BRINP3: variants seen among roughly 807,000 people sequenced by gnomAD.
BRINP3 encodes BMP/retinoic acid-inducible neural-specific protein 3.
Under a neutral mutation model 71.0 loss-of-function variants are expected in BRINP3, and 19 were observed. The observed-to-expected ratio is 0.27, with a 90% confidence interval of 0.19 to 0.39. The LOEUF (loss-of-function observed/expected upper bound fraction) is 0.39, where lower values mean the gene tolerates loss of function less well. Ranked by LOEUF, BRINP3 falls within the 10% of genes least tolerant of loss-of-function variation. The pLI, the probability that BRINP3 is intolerant of heterozygous loss-of-function variation, is 1.00. For missense variants in BRINP3, 959 were observed against 940.8 expected (o/e 1.02, Z -0.25); for synonymous variants, 380 against 337.7 (o/e 1.13, Z -1.37).
chr1:190,291,134 G>A lies in BRINP3; in HGVS notation c.237-9384C>T, dbSNP rs114863166. ...GTCCTGACTAGCTACCCAGGAAACA[G>A]AGAATGTAAACCTCTACATGGTAGA... On this transcript the variant is annotated intron_variant, in intron 2 of 7. Transcript: ENST00000367462. Among the ~76,000 whole-genome samples, 483 of 152,220 alleles carry A rather than the reference G, an allele frequency of 3.2e-3. 1 individual carries two copies. Among genetic ancestry groups the A allele is most frequent in the African/African-American group, 0.011 (464 of 41,544 alleles).
chr1:190,150,727 T>C (rs763037671), intron 7 of BRINP3, among the ~76,000 whole-genome samples: 4 of 152,192 alleles, frequency 2.6e-5, no homozygotes, highest in Non-Finnish European at 4.4e-5. Context: ...TTCTCATACT[T>C]TGAGAAAACA....
intron 2 of BRINP3, among the ~76,000 whole-genome samples, chr1:190,387,359 A>T (rs139991717): frequency 7.5e-4 from 114 of 152,130 alleles, no homozygotes; most frequent in African/African-American, 2.6e-3. Context: ...AACTAATATG[A>T]CAAGCTAGCA....
intron 7 of BRINP3, among the ~76,000 whole-genome samples, chr1:190,145,976 T>C (rs1010714567): frequency 6.6e-6 from 1 of 152,138 alleles, no homozygotes; most frequent in African/African-American, 2.4e-5. Context: ...TATCATATGT[T>C]CTCATTTATA....
chr1:190,141,507 CCT>C (rs1486191872), intron 7 of BRINP3, among the ~76,000 whole-genome samples: 1 of 150,312 alleles, frequency 6.7e-6, no homozygotes, highest in Non-Finnish European at 1.5e-5. Context: ...ATATTTTAAT[CCT>C]CTTTCTTTCT....
chr1:190,461,499 T>C (rs768535919), intron 1 of BRINP3, among the ~76,000 whole-genome samples: 7 of 152,202 alleles, frequency 4.6e-5, no homozygotes, highest in Admixed American at 3.3e-4. Flanking sequence ...GTTTGCCCTA[T>C]TTCCCTGCAC....
intron 3 of BRINP3, among the ~76,000 whole-genome samples, chr1:190,274,518 T>TAC (rs1387092979): frequency 4.0e-5 from 6 of 151,724 alleles, no homozygotes; most frequent in African/African-American, 7.2e-5. Flanking sequence ...CACAGAAATA[T>TAC]ACATTGAAAA....
chr1:190,278,076 C>T (rs1051079406), intron 3 of BRINP3, among the ~76,000 whole-genome samples: 5 of 151,740 alleles, frequency 3.3e-5, no homozygotes, highest in Non-Finnish European at 3.0e-5. Flanking sequence ...TTTATGTCTA[C>T]ATCAATAATA....
intron 7 of BRINP3, among the ~76,000 whole-genome samples, chr1:190,107,220 TTC>T (rs1387305662): frequency 5.9e-5 from 9 of 152,006 alleles, no homozygotes; most frequent in African/African-American, 1.9e-4. Flanking sequence ...AGCCTTTACA[TTC>T]TGACAACATC....
At chr1:190,261,994 C>T (rs1162211625) in intron 4 of BRINP3, among the ~76,000 whole-genome samples, 1 of 152,186 alleles carries the variant, frequency 6.6e-6, no homozygotes, top group Non-Finnish European at 1.5e-5. Context: ...TACTTCTAAG[C>T]ACTTGCAATC....
At chr1:190,388,185 T>C (rs1342557364) in intron 2 of BRINP3, among the ~76,000 whole-genome samples, 1 of 151,782 alleles carries the variant, frequency 6.6e-6, no homozygotes, top group East Asian at 1.9e-4. Context: ...TGAATGGAAA[T>C]TATGTTCCAT....
At chr1:190,196,315 G>C (rs944613294) in intron 6 of BRINP3, among the ~76,000 whole-genome samples, 2 of 152,032 alleles carry the variant, frequency 1.3e-5, no homozygotes, top group Non-Finnish European at 2.9e-5. Context: ...TAGACTTCTT[G>C]GGTGCTATAA....
chr1:190,379,725 C>A (rs558098575), intron 2 of BRINP3, among the ~76,000 whole-genome samples: 1 of 151,886 alleles, frequency 6.6e-6, no homozygotes, highest in Non-Finnish European at 1.5e-5. Flanking sequence ...TAGGGCTGGG[C>A]GCGGTGGTTC....
chr1:190,103,230 A>G (rs1051327095), intron 7 of BRINP3, among the ~76,000 whole-genome samples: 1 of 152,044 alleles, frequency 6.6e-6, no homozygotes, highest in Non-Finnish European at 1.5e-5. Flanking sequence ...ACTGTGGACT[A>G]TCGATAGTTT....
intron 2 of BRINP3, among the ~76,000 whole-genome samples, chr1:190,424,513 C>T (rs1673577293): frequency 6.6e-6 from 1 of 151,560 alleles, no homozygotes; most frequent in Non-Finnish European, 1.5e-5. Flanking sequence ...TTTATACATT[C>T]CTTTAATTCA....
intron 6 of BRINP3, chr1:190,217,191 A>T (rs1302724491): frequency 1.3e-5 from 2 of 151,984 alleles, no homozygotes; most frequent in African/African-American, 4.8e-5. Context: ...ACCATCAGGG[A>T]AATGAAATAA....
intron 2 of BRINP3, among the ~76,000 whole-genome samples, chr1:190,392,706 A>T (rs2102312189): frequency 6.6e-6 from 1 of 151,792 alleles, no homozygotes; most frequent in Non-Finnish European, 1.5e-5. Flanking sequence ...TGAAAAATTT[A>T]AAACCTCCAT....
chr1:190,413,938 T>C (rs1002687398), intron 2 of BRINP3, among the ~76,000 whole-genome samples: 6 of 152,112 alleles, frequency 3.9e-5, no homozygotes, highest in Admixed American at 2.6e-4. Context: ...AATATTAAGA[T>C]TATGGATAAT....
At chr1:190,292,548 T>A (rs879744262) in intron 2 of BRINP3, among the ~76,000 whole-genome samples, 1 of 152,026 alleles carries the variant, frequency 6.6e-6, no homozygotes, top group Non-Finnish European at 1.5e-5. Context: ...CTCAAGAGGC[T>A]GAGAAGGGAA....
intron 7 of BRINP3, among the ~76,000 whole-genome samples, chr1:190,111,039 G>C (rs570376661): frequency 2.0e-5 from 3 of 151,608 alleles, no homozygotes; most frequent in Non-Finnish European, 4.4e-5. Context: ...TTAGCCGGGC[G>C]TGGTGTTGGG....
Sources: gnomAD v4.1 joint callset for allele counts (sites outside exome capture counted in the v4.1 genomes callset) on GRCh38, gnomAD v4.1.1 for gene constraint, MANE v1.5 for transcripts, NCBI Gene and HGNC (gene_info 2026-07-23, HGNC 2026-07-21) for gene names.